PIEZO1: variants seen among roughly 807,000 people sequenced by gnomAD.
PIEZO1 encodes piezo-type mechanosensitive ion channel component 1.
PIEZO1 carries 296 observed loss-of-function variants against 297.2 expected under a neutral mutation model. That is an observed-to-expected ratio of 1.00 (90% confidence interval 0.91 to 1.10). PIEZO1 has a LOEUF of 1.10. Among genes scored for constraint, PIEZO1 ranks in the 50% least tolerant of loss-of-function variants. PIEZO1 has a pLI of 0.00. For synonymous variants in PIEZO1, 2,427 were observed against 1,507.5 expected (o/e 1.61, Z -14.13); for missense variants, 5,018 against 3,455.5 (o/e 1.45, Z -11.34).
chr16:88,715,360 TAAAA>T lies in PIEZO1; in HGVS notation c.*241_*244del. 3.2e-6 allele frequency: 4 copies of T among 1,232,668 alleles called. No homozygotes were observed. The highest frequency in any genetic ancestry group is 4.4e-6 in the Non-Finnish European group (4 of 899,408). The allele number at this position is 1,232,668 out of a possible 1,614,324, so 76.4% of individuals were successfully genotyped here. ...GCCTCTGATTGTCCATTTGTATAAATAAAACATTTTTTAATTAAAAAAAAAACTC... is the reference window on the plus strand; with the variant it reads ...GCCTCTGATTGTCCATTTGTATAAATCATTTTTTAATTAAAAAAAAAACTC... On this transcript the variant is annotated 3_prime_UTR_variant, in exon 51 of 51. Coordinates refer to ENST00000301015, the MANE Select transcript of PIEZO1 (RefSeq NM_001142864.4).
At chr16:88,726,669 C>CCAGCGGGGA (rs1193277470) in intron 25 of PIEZO1, 26 bp from the exon 26 acceptor site, 1 of 1,547,722 alleles carries the variant, frequency 6.5e-7, no homozygotes, top group Non-Finnish European at 8.7e-7. Flanking sequence ...GTCAGCGGGG[C>CCAGCGGGGA]CAGCGGGGCC....
At position 88,723,082 on chromosome 16, in the gene PIEZO1, C is replaced by G. The variant is rs918154388; in HGVS notation, c.4495+13G>C. On this transcript the variant is annotated intron_variant, in intron 33 of 50. Coordinates refer to ENST00000301015, the MANE Select transcript of PIEZO1 (RefSeq NM_001142864.4). The stretch of plus-strand genomic sequence containing the variant: ...AGAGAGACCTCCCACTCCCCAGCCC[C>G]GGGCCCACGTACCTGCCGCTGCCTC... 3.9e-6 allele frequency: 6 copies of G among 1,546,878 alleles called. No homozygotes were observed. The East Asian group carries it at 9.8e-5, about 25-fold the overall frequency.
intron 1 of PIEZO1, among the ~76,000 whole-genome samples, chr16:88,773,609 C>T (rs1907523770): frequency 6.6e-6 from 1 of 152,182 alleles, no homozygotes; most frequent in South Asian, 2.1e-4. Flanking sequence ...GGCTGACAGG[C>T]AGGTCGGGGG....
chr16:88,773,344 C>T (rs865779050), intron 1 of PIEZO1, among the ~76,000 whole-genome samples: 3 of 152,236 alleles, frequency 2.0e-5, no homozygotes, highest in Admixed American at 1.3e-4. Flanking sequence ...GCCCACCTGG[C>T]GTGGGGGCCA....
chr16:88,779,988 T>C (rs1907856401), intron 1 of PIEZO1, among the ~76,000 whole-genome samples: 1 of 152,170 alleles, frequency 6.6e-6, no homozygotes, highest in Non-Finnish European at 1.5e-5. Flanking sequence ...TGGAAGCGGC[T>C]GTGAAGCTTT....
Position 88,716,342 on chromosome 16 carries a change from A to C in PIEZO1, c.7049+19T>G, listed in dbSNP as rs1195208594. 2.0e-6 allele frequency: 3 copies of C among 1,516,296 alleles called. No homozygotes were observed. Among genetic ancestry groups the C allele is most frequent in the Non-Finnish European group, 1.8e-6 (2 of 1,126,694 alleles). The allele number at this position is 1,516,296 out of a possible 1,614,324, so 93.9% of individuals were successfully genotyped here. On this transcript the variant is annotated intron_variant, in intron 48 of 50. Transcript: ENST00000301015. ...ACCTGGCACAGCCCTCCTGCCCACCACCCGGGCCCTTCACTCACACAGACT... is the reference window on the plus strand; with the variant it reads ...ACCTGGCACAGCCCTCCTGCCCACCCCCCGGGCCCTTCACTCACACAGACT...
rs778289969 is a variant in PIEZO1, at chr16:88,720,647, C to G, written c.5770G>C (p.Gly1924Arg). The change falls in exon 40 of 51, where the codon GGG becomes CGG. Residue 1924 changes from glycine to arginine, a missense_variant. Physicochemically the swap from Gly to Arg is moderately radical, Grantham distance 125. Transcript: ENST00000301015. ...AGGCAGAAGCCCTGCAGCCGCCGCC[C>G]GGCCGCCCTTACTCTTCCTCCAGAG... ...SRSGGRVRAAGRRLQGFCLSL... is the reference protein window; with the variant it reads ...SRSGGRVRAARRRLQGFCLSL... The G allele has an allele frequency of 6.5e-7, 1 of 1,547,490 alleles. No homozygotes were observed. The highest frequency in any genetic ancestry group is 1.4e-5 in the African/African-American group (1 of 72,970).
Position 88,715,678 on chromosome 16 carries a change from T to C in PIEZO1, c.7493A>G (p.Glu2498Gly). The part of the protein sequence containing the change: ...RETRELELEE[E>G]LYAKLIFLYR... ...GAGGAAGATGAGCTTGGCGTACAAC[T>C]CCTCCTCCAGCTCCAGCTCCCGAGT... is the stretch of plus-strand genomic sequence containing the variant. Residue 2498 changes from glutamate to glycine, a missense_variant, in exon 51 of 51, where the codon GAG becomes GGG. Transcript: ENST00000301015. 2 of 1,550,196 alleles carry C rather than the reference T, an allele frequency of 1.3e-6. No individual in the cohort carries two copies. The highest frequency in any genetic ancestry group is 1.2e-5 in the South Asian group (1 of 84,060).
In PIEZO1 at chr16:88,735,825, G is replaced by A. The variant is rs928338298; in HGVS notation, c.1557+323C>T. ...ACACACTGTCAGGGGCGCAGGGGTG[G>A]TGCCTGTGCCAATGGGCATAGCCCA... On this transcript the variant is annotated intron_variant, in intron 12 of 50. Transcript: ENST00000301015. Among the ~76,000 whole-genome samples the A allele has an allele frequency of 2.0e-4, 31 of 152,216 alleles. 1 individual carries two copies. Among genetic ancestry groups the A allele is most frequent in the African/African-American group, 7.5e-4 (31 of 41,470 alleles).
Position 88,727,619 on chromosome 16 carries a change from G to A in PIEZO1, c.3239C>T (p.Ala1080Val). ...RWSRAVPMNS[A>V]LIKWLYLPDF... ...AGGCAGGTACAGCCACTTGATGAGT[G>A]CGGAGTTCATGGGGACGGCCCGGCT... The change falls in exon 23 of 51, where the codon GCA becomes GTA. Residue 1080 changes from alanine (A) to valine (V), a missense_variant. Ala to Val is a moderately conservative substitution (Grantham distance 64). Transcript: ENST00000301015. 1.3e-6 allele frequency: 2 copies of A among 1,528,192 alleles called. No homozygotes were observed. The highest frequency in any genetic ancestry group is 8.8e-7 in the Non-Finnish European group (1 of 1,132,530). The allele number at this position is 1,528,192 out of a possible 1,614,324, so 94.7% of individuals were successfully genotyped here. A position where few individuals can be genotyped will look rare whatever the true frequency, so the allele number is the denominator to read the frequency against.
chr16:88,727,797 G>A (rs77726535), intron 22 of PIEZO1, 136 bp from the exon 23 acceptor site: 48 of 460,372 alleles, frequency 1.0e-4, no homozygotes, highest in African/African-American at 4.6e-4. Flanking sequence ...CTGGTGTCTC[G>A]AGAACTGACA....
intron 44 of PIEZO1, chr16:88,718,363 C>T (rs138362291): frequency 0.019 from 2,956 of 152,918 alleles, 42 homozygotes; most frequent in Non-Finnish European, 0.026. Context: ...GCACTTCCGG[C>T]CCTGGCGTGC....
chr16:88,767,429 C>G (rs953004772), intron 1 of PIEZO1, among the ~76,000 whole-genome samples: 6 of 152,232 alleles, frequency 3.9e-5, no homozygotes, highest in African/African-American at 1.2e-4. Flanking sequence ...ATGACTGAGG[C>G]AGGAAGGAAG....
chr16:88,741,468 C>T lies in PIEZO1; in HGVS notation c.465+10G>A, dbSNP rs901302982. ...CCTCCCTGACACACGGGTGACGCAGCTGCCCTCACCAGCTCCCGTGGATGT... is the reference window on the plus strand; with the variant it reads ...CCTCCCTGACACACGGGTGACGCAGTTGCCCTCACCAGCTCCCGTGGATGT... On this transcript the variant is annotated intron_variant, in intron 5 of 50. Coordinates refer to ENST00000301015, the MANE Select transcript of PIEZO1 (RefSeq NM_001142864.4). 5 of 1,531,730 alleles carry T rather than the reference C, an allele frequency of 3.3e-6. No individual in the cohort carries two copies. In the African/African-American group the frequency reaches 6.9e-5, roughly 21 times the overall value. The allele number at this position is 1,531,730 out of a possible 1,614,324, so 94.9% of individuals were successfully genotyped here. A position where few individuals can be genotyped will look rare whatever the true frequency, so the allele number is the denominator to read the frequency against.
intron 1 of PIEZO1, among the ~76,000 whole-genome samples, chr16:88,784,391 C>T (rs1908078346): frequency 6.6e-6 from 1 of 152,100 alleles, no homozygotes; most frequent in Admixed American, 6.5e-5. Context: ...GCCCTGGGCA[C>T]GGACGTTCGT....
intron 22 of PIEZO1, 34 bp downstream of exon 22, chr16:88,731,672 A>T: frequency 6.6e-7 from 1 of 1,525,452 alleles, no homozygotes; most frequent in South Asian, 1.2e-5. Flanking sequence ...CAAAGCCACA[A>T]AGCCCACTCC....
intron 1 of PIEZO1, among the ~76,000 whole-genome samples, chr16:88,765,459 C>A (rs140599774): frequency 1.2e-4 from 19 of 152,328 alleles, no homozygotes; most frequent in African/African-American, 4.1e-4. Flanking sequence ...CAGCCCTCCC[C>A]TCTCTGTGCC....
chr16:88,730,284 G>A (rs1904712831), intron 22 of PIEZO1, among the ~76,000 whole-genome samples: 2 of 152,224 alleles, frequency 1.3e-5, no homozygotes, highest in African/African-American at 4.8e-5. Flanking sequence ...TGAGGCAGCA[G>A]CGCCTGGGAG....
intron 1 of PIEZO1, among the ~76,000 whole-genome samples, chr16:88,772,432 G>A (rs1399911165): frequency 6.6e-6 from 1 of 152,162 alleles, no homozygotes; most frequent in African/African-American, 2.4e-5. Flanking sequence ...CTGGGAGCCT[G>A]CAGGCCCCAG....
Sources: allele counts gnomAD v4.1 joint callset (sites outside exome capture counted in the v4.1 genomes callset), GRCh38; gene constraint gnomAD v4.1.1; transcripts MANE v1.5; gene names NCBI Gene and HGNC (gene_info 2026-07-23, HGNC 2026-07-21).